Variants in RAPH1 observed in about 807,000 individuals in gnomAD.
The protein encoded by RAPH1 is Ras association (RalGDS/AF-6) and pleckstrin homology domains 1.
A neutral mutation model predicts 88.1 loss-of-function variants in RAPH1; 18 were observed. The ratio of observed to expected loss-of-function variants is 0.20; its 90% confidence interval spans 0.14 to 0.30. RAPH1 has a LOEUF of 0.30. Among genes scored for constraint, RAPH1 ranks in the 10% least tolerant of loss-of-function variants. RAPH1 has a pLI of 1.00. For synonymous variants in RAPH1, 587 were observed against 559.0 expected (o/e 1.05, Z -0.71); for missense variants, 1,448 against 1,543.2 (o/e 0.94, Z 1.03).
chr2:203,530,697 G>C (rs1690350361), intron 1 of RAPH1, among the ~76,000 whole-genome samples: 1 of 152,096 alleles, frequency 6.6e-6, no homozygotes, highest in Non-Finnish European at 1.5e-5. Context: ...TTCAAGATCA[G>C]CCTGGGCAAC....
At chr2:203,460,814 C>T (rs1215948865) in intron 6 of RAPH1, among the ~76,000 whole-genome samples, 4 of 152,118 alleles carry the variant, frequency 2.6e-5, no homozygotes, top group South Asian at 2.1e-4. Context: ...GTAATTTTAT[C>T]GAAAAAATAT....
In RAPH1 at chr2:203,439,427, C is replaced by T. The variant is rs2098501165; in HGVS notation, c.*10G>A. On this transcript the variant is annotated 3_prime_UTR_variant, in exon 14 of 14. Transcript: ENST00000319170. ...ATTACAGATATCATGAAAATAAAGTCCTATGGTGGCTACCAGTCTCTGGAG... is the reference window on the plus strand; with the variant it reads ...ATTACAGATATCATGAAAATAAAGTTCTATGGTGGCTACCAGTCTCTGGAG... 1 of 1,611,320 alleles carries T rather than the reference C, an allele frequency of 6.2e-7. No homozygotes were observed. The highest frequency in any genetic ancestry group is 8.5e-7 in the Non-Finnish European group (1 of 1,178,148).
At chr2:203,456,509 T>C (rs1197246385) in intron 8 of RAPH1, among the ~76,000 whole-genome samples, 2 of 152,198 alleles carry the variant, frequency 1.3e-5, no homozygotes, top group Admixed American at 1.3e-4. Flanking sequence ...CTAAACACTA[T>C]GCTTTGATAA....
intron 1 of RAPH1, among the ~76,000 whole-genome samples, chr2:203,526,008 CTA>C (rs1690099028): frequency 6.7e-6 from 1 of 148,796 alleles, no homozygotes; most frequent in Admixed American, 6.6e-5. Flanking sequence ...AAAAAAAATA[CTA>C]TGGACATGAA....
chr2:203,454,000 A>ATTTTTCTCT (rs1394151951), intron 10 of RAPH1, among the ~76,000 whole-genome samples: 2 of 152,124 alleles, frequency 1.3e-5, no homozygotes, highest in Non-Finnish European at 2.9e-5. Flanking sequence ...AAGAGACAAA[A>ATTTTTCTCT]ATTATTTCTG....
chr2:203,502,479 T>C (rs1225349870), intron 1 of RAPH1, among the ~76,000 whole-genome samples: 1 of 152,202 alleles, frequency 6.6e-6, no homozygotes, highest in Non-Finnish European at 1.5e-5. Flanking sequence ...TAACAGTTGG[T>C]AGAGATTGTA....
At chr2:203,504,308 G>A (rs181154752) in intron 1 of RAPH1, among the ~76,000 whole-genome samples, 106 of 152,300 alleles carry the variant, frequency 7.0e-4, no homozygotes, top group Non-Finnish European at 1.2e-3. Flanking sequence ...AATCTAGGCC[G>A]AAGTTTCTAA....
chr2:203,474,914 C>T (rs181965152), intron 4 of RAPH1, among the ~76,000 whole-genome samples: 3 of 152,038 alleles, frequency 2.0e-5, no homozygotes, highest in Admixed American at 6.5e-5. Flanking sequence ...AGTTCAAGAC[C>T]AGCCTGGCCA....
intron 4 of RAPH1, among the ~76,000 whole-genome samples, chr2:203,478,553 G>C (rs943502003): frequency 6.6e-6 from 1 of 151,566 alleles, no homozygotes; most frequent in Non-Finnish European, 1.5e-5. Flanking sequence ...GCAGTGGCAC[G>C]ATCTCAGCTC....
chr2:203,483,001 A>G (rs1276340822), intron 4 of RAPH1, among the ~76,000 whole-genome samples: 1 of 152,154 alleles, frequency 6.6e-6, no homozygotes, highest in East Asian at 1.9e-4. Context: ...ATAAGTGCAA[A>G]GGCTAAGAGG....
intron 8 of RAPH1, among the ~76,000 whole-genome samples, chr2:203,456,171 TA>T (rs1318234537): frequency 6.6e-6 from 1 of 152,228 alleles, no homozygotes; most frequent in Non-Finnish European, 1.5e-5. Flanking sequence ...AACTTTTAAC[TA>T]AAACACTGTT....
chr2:203,480,493 A>G (rs1687675943), intron 4 of RAPH1, among the ~76,000 whole-genome samples: 1 of 152,202 alleles, frequency 6.6e-6, no homozygotes, highest in Admixed American at 6.5e-5. Context: ...GGCTGCAGTG[A>G]GCTGAGATTG....
intron 4 of RAPH1, among the ~76,000 whole-genome samples, chr2:203,472,637 T>G (rs769607091): frequency 2.6e-5 from 4 of 152,220 alleles, no homozygotes; most frequent in Non-Finnish European, 5.9e-5. Context: ...CTTATAAAAG[T>G]TACTTTTTTA....
chr2:203,514,744 C>T (rs769236312), intron 1 of RAPH1, among the ~76,000 whole-genome samples: 4 of 151,992 alleles, frequency 2.6e-5, no homozygotes, highest in African/African-American at 7.2e-5. Flanking sequence ...TTAGTAGAGA[C>T]GAGGTTTCAC....
At position 203,457,554 on chromosome 2, in the gene RAPH1, A is replaced by G. The variant is rs139426776; in HGVS notation, c.1134T>C (p.Asp378=). 7.2e-4 allele frequency: 1,157 copies of G among 1,612,656 alleles called. No homozygotes were observed. Among genetic ancestry groups the G allele is most frequent in the Non-Finnish European group, 9.3e-4 (1,097 of 1,178,716 alleles). Reference sequence around the variant, plus strand: ...CCTCCAAGAGGACTTCTTTGTTTCTATCTGCCATCTCAGCTGTTTCTTTTT... The same window carrying G: ...CCTCCAAGAGGACTTCTTTGTTTCTGTCTGCCATCTCAGCTGTTTCTTTTT... The part of the protein sequence containing the change: ...LGKKETAEMA[D]RNKEVLLEEC... The change falls in exon 8 of 14, where the codon GAT becomes GAC. Residue 378 remains aspartate (D), a synonymous_variant. Transcript: ENST00000319170.
At position 203,444,981 on chromosome 2, in the gene RAPH1, C is replaced by T. The variant is rs1463617701; in HGVS notation, c.1663G>A (p.Asp555Asn). The T allele has an allele frequency of 3.7e-6, 6 of 1,613,988 alleles. No homozygotes were observed. In the Admixed American group the frequency reaches 8.3e-5, roughly 22 times the overall value. Residue 555 changes from aspartate to asparagine, a missense_variant, in exon 13 of 14, where the codon GAT (aspartate) becomes AAT (asparagine). By Grantham distance (23) the Asp-to-Asn change is conservative (BLOSUM62 1). Transcript: ENST00000319170. ...GGCTGGGTGTCAGAAACTCCGCTAT[C>T]AGACTGATTGGAGTGGTTTGACTGA... The part of the protein sequence containing the change: ...ESQSNHSNQS[D>N]SGVSDTQPAG...
chr2:203,475,036 A>C (rs1474389705), intron 4 of RAPH1, among the ~76,000 whole-genome samples: 2 of 152,196 alleles, frequency 1.3e-5, no homozygotes, highest in African/African-American at 4.8e-5. Flanking sequence ...GTTTGAACCC[A>C]GGAGGCAGAG....
At chr2:203,501,562 G>GT (rs1164281463) in intron 1 of RAPH1, among the ~76,000 whole-genome samples, 1 of 152,092 alleles carries the variant, frequency 6.6e-6, no homozygotes, top group African/African-American at 2.4e-5. Flanking sequence ...GAGCCCAGGA[G>GT]TTTGAGACCT....
In RAPH1 at chr2:203,434,079, T is replaced by TAGAGAG. The variant is rs1553616531; in HGVS notation, c.*5357_*5358insCTCTCT. The stretch of plus-strand genomic sequence containing the variant: ...ATCTATATATATATATATATATATA[T>TAGAGAG]AGCTTTGCACAATCAGGGAGCAAGG... On this transcript the variant is annotated 3_prime_UTR_variant, in exon 14 of 14. Coordinates refer to ENST00000319170, the MANE Select transcript of RAPH1 (RefSeq NM_213589.3). 6.6e-6 allele frequency: 1 copy of TAGAGAG among 150,438 alleles called. No homozygotes were observed. The highest frequency in any genetic ancestry group is 2.5e-5 in the African/African-American group (1 of 40,548). The allele number at this position is 150,438 out of a possible 1,614,324, so 9.3% of individuals were successfully genotyped here.
Sources: allele counts gnomAD v4.1 joint callset (sites outside exome capture counted in the v4.1 genomes callset), GRCh38; gene constraint gnomAD v4.1.1; transcripts MANE v1.5; gene names NCBI Gene and HGNC (gene_info 2026-07-23, HGNC 2026-07-21).